The following ARHGEF28 variants were observed in gnomAD, a reference collection of about 807,000 sequenced individuals.
ARHGEF28 encodes the protein Rho guanine nucleotide exchange factor 28, also known as 190 kDa guanine nucleotide exchange factor.
A neutral mutation model predicts 206.6 loss-of-function variants in ARHGEF28; 152 were observed. The ratio of observed to expected loss-of-function variants is 0.74; its 90% CI spans 0.64 to 0.84. The LOEUF is 0.84. Ranked by LOEUF, ARHGEF28 falls within the 40% of genes least tolerant of loss-of-function variation. The pLI, the probability that ARHGEF28 is intolerant of heterozygous loss-of-function variation, is 0.00. For synonymous variants in ARHGEF28, 763 were observed against 776.4 expected, an observed-to-expected ratio of 0.98 and a Z score of 0.29; for missense variants, 2,028 against 2,073.2, an observed-to-expected ratio of 0.98 and a Z score of 0.42.
chr5:73,940,783 A>G lies in ARHGEF28; in HGVS notation c.4949-61A>G, dbSNP rs982302545. The G allele has an allele frequency of 2.3e-5, 30 of 1,322,144 alleles. No individual in the cohort carries two copies. The South Asian group carries it at 5.6e-4, about 25-fold the overall frequency. The allele number at this position is 1,322,144 out of a possible 1,614,324, so 81.9% of individuals were successfully genotyped here. On this transcript the variant is annotated intron_variant, in intron 35 of 35. Transcript: ENST00000513042. Reference sequence around the variant, plus strand: ...CTAATCTTAGAGAGCTCTAACGCCAAGACATCTGCCTTGTACATCTCAGGT... The same window carrying G: ...CTAATCTTAGAGAGCTCTAACGCCAGGACATCTGCCTTGTACATCTCAGGT...
At chr5:73,852,769 T>A in intron 14 of ARHGEF28, 77 bp downstream of exon 14, 1 of 1,463,838 alleles carries the variant, frequency 6.8e-7, no homozygotes, top group South Asian at 1.1e-5. Context: ...ATTTTTGCTA[T>A]CTGTTCACTA....
intron 4 of ARHGEF28, 46 bp from the exon 5 acceptor site, chr5:73,773,808 CT>C: frequency 6.7e-7 from 1 of 1,482,068 alleles, no homozygotes; most frequent in Non-Finnish European, 9.0e-7. Flanking sequence ...GTAAAACAAA[CT>C]TTGTAAATGG....
rs148163483 is a variant in ARHGEF28, at chr5:73,796,700, C to T, written c.1024+1309C>T. Among the ~76,000 whole-genome samples the T allele has an allele frequency of 1.8e-3, 267 of 152,304 alleles. 1 individual carries two copies. Among genetic ancestry groups the T allele is most frequent in the Middle Eastern group, 6.8e-3 (2 of 294 alleles). On this transcript the variant is annotated intron_variant, in intron 9 of 35. Coordinates refer to ENST00000513042, the MANE Select transcript of ARHGEF28 (RefSeq NM_001177693.2). ...AAATTGGAACAGAAATTTAGACCCA[C>T]ACTAAGCAATATACACGTCCTTAAT... is the stretch of plus-strand genomic sequence containing the variant.
chr5:73,665,153 G>T (rs776399858), intron 1 of ARHGEF28, among the ~76,000 whole-genome samples: 6 of 151,954 alleles, frequency 3.9e-5, no homozygotes, highest in Non-Finnish European at 7.4e-5. Flanking sequence ...TCCTCTTCTA[G>T]TCCATCCTTC....
chr5:73,914,616 C>G (rs558479165), intron 35 of ARHGEF28, among the ~76,000 whole-genome samples: 5 of 151,992 alleles, frequency 3.3e-5, no homozygotes, highest in Admixed American at 2.6e-4. Flanking sequence ...AGGCTGGTCT[C>G]GAACTCCTGA....
intron 35 of ARHGEF28, among the ~76,000 whole-genome samples, chr5:73,919,745 C>A (rs981049872): frequency 2.0e-5 from 3 of 152,172 alleles, no homozygotes; most frequent in Non-Finnish European, 4.4e-5. Context: ...TAGTTTATCA[C>A]CTTAATCTCT....
intron 35 of ARHGEF28, among the ~76,000 whole-genome samples, chr5:73,916,245 T>C (rs1437252154): frequency 2.0e-5 from 3 of 152,218 alleles, no homozygotes; most frequent in Non-Finnish European, 4.4e-5. Context: ...GACACCTTAC[T>C]TGTGTAATCT....
chr5:73,866,143 C>A, intron 18 of ARHGEF28, 130 bp downstream of exon 18: 1 of 873,962 alleles, frequency 1.1e-6, no homozygotes, highest in Non-Finnish European at 1.7e-6. Context: ...ATATGCTTGG[C>A]ATGATTTTTA....
chr5:73,725,762 G>A (rs1056145637), intron 2 of ARHGEF28, among the ~76,000 whole-genome samples: 2 of 152,142 alleles, frequency 1.3e-5, no homozygotes, highest in East Asian at 3.9e-4. Flanking sequence ...GATTTGTAAA[G>A]CCAGGTCTAT....
intron 2 of ARHGEF28, among the ~76,000 whole-genome samples, chr5:73,737,439 C>CTTTTCTT: frequency 1.4e-5 from 1 of 72,554 alleles, no homozygotes; most frequent in South Asian, 6.3e-4. Context: ...AGCCCTCTTC[C>CTTTTCTT]TTCTTTTCTT....
chr5:73,630,020 C>T (rs1048814818), intron 1 of ARHGEF28, among the ~76,000 whole-genome samples: 3 of 152,182 alleles, frequency 2.0e-5, no homozygotes, highest in African/African-American at 7.2e-5. Flanking sequence ...CCAAAGCCAG[C>T]AGGCAAATAG....
Position 73,752,999 on chromosome 5 carries a change from A to G in ARHGEF28, c.272A>G (p.Tyr91Cys), listed in dbSNP as rs2014671574. Reference sequence around the variant, plus strand: ...ACCATGGGCTCTGGCTCAGTGACCTACGTGGACAACATGGCTTGCAGGCTG... The same window carrying G: ...ACCATGGGCTCTGGCTCAGTGACCTGCGTGGACAACATGGCTTGCAGGCTG... ...PVTMGSGSVT[Y>C]VDNMACRLAR... The change falls in exon 4 of 36, where the codon TAC becomes TGC. Residue 91 changes from tyrosine to cysteine, a missense_variant. Tyr to Cys is a radical substitution (Grantham distance 194). Coordinates refer to ENST00000513042, the MANE Select transcript of ARHGEF28 (RefSeq NM_001177693.2). 10 of 1,613,540 alleles carry G rather than the reference A, an allele frequency of 6.2e-6. No individual in the cohort carries two copies. Among genetic ancestry groups the G allele is most frequent in the African/African-American group, 2.7e-5 (2 of 75,052 alleles).
intron 29 of ARHGEF28, among the ~76,000 whole-genome samples, chr5:73,895,224 T>A (rs1761895344): frequency 6.6e-6 from 1 of 152,134 alleles, no homozygotes. Context: ...GAAGTGCAGA[T>A]GTTGGTAATA....
chr5:73,894,138 T>G (rs557139248), intron 28 of ARHGEF28, among the ~76,000 whole-genome samples: 1 of 152,186 alleles, frequency 6.6e-6, no homozygotes, highest in African/African-American at 2.4e-5. Context: ...TTTCTGGAAG[T>G]AGGGGACTGA....
chr5:73,810,317 C>T (rs1030576480), intron 9 of ARHGEF28, among the ~76,000 whole-genome samples: 16 of 152,058 alleles, frequency 1.1e-4, no homozygotes, highest in African/African-American at 2.7e-4. Flanking sequence ...TTGGTTAGGT[C>T]GTTCAATACT....
chr5:73,757,571 G>A (rs1752384715), intron 4 of ARHGEF28, among the ~76,000 whole-genome samples: 2 of 152,138 alleles, frequency 1.3e-5, no homozygotes, highest in South Asian at 2.1e-4. Flanking sequence ...CTGGAAAAAG[G>A]CCAGAGTCTG....
intron 1 of ARHGEF28, among the ~76,000 whole-genome samples, chr5:73,649,382 A>T (rs1744652292): frequency 6.6e-6 from 1 of 152,184 alleles, no homozygotes; most frequent in Non-Finnish European, 1.5e-5. Context: ...TTTTGGGAAA[A>T]AGCATGCCTT....
At chr5:73,928,929 T>TTTTATTTA (rs146731636) in intron 35 of ARHGEF28, among the ~76,000 whole-genome samples, 1 of 151,948 alleles carries the variant, frequency 6.6e-6, no homozygotes, top group Non-Finnish European at 1.5e-5. Flanking sequence ...TCTGACTTCT[T>TTTTATTTA]TTTATTTATT....
At chr5:73,688,327 T>C (rs1443929919) in intron 2 of ARHGEF28, among the ~76,000 whole-genome samples, 1 of 152,184 alleles carries the variant, frequency 6.6e-6, no homozygotes, top group East Asian at 1.9e-4. Flanking sequence ...ATAGGTCTTA[T>C]AGGTGATTTT....
Sources: gnomAD v4.1 joint callset for allele counts (sites outside exome capture counted in the v4.1 genomes callset) on GRCh38, gnomAD v4.1.1 for gene constraint, MANE v1.5 for transcripts, NCBI Gene and HGNC (gene_info 2026-07-23, HGNC 2026-07-21) for gene names.